The following DGKB variants were observed in gnomAD, a reference collection of about 807,000 sequenced individuals.
The protein encoded by DGKB is diacylglycerol kinase beta, also known as 90 kDa diacylglycerol kinase.
Under a neutral mutation model 114.3 loss-of-function variants are expected in DGKB, and 67 were observed. That is an observed-to-expected ratio of 0.59 (90% CI 0.48 to 0.72). The LOEUF (loss-of-function observed/expected upper bound fraction) is 0.72, where lower values mean the gene tolerates loss of function less well. Ranked by LOEUF, DGKB falls within the 30% of genes least tolerant of loss-of-function variation. The pLI is 0.00. For missense variants in DGKB, 907 were observed against 975.2 expected, an observed-to-expected ratio of 0.93 and a Z score of 0.93; for synonymous variants, 398 against 323.1, an observed-to-expected ratio of 1.23 and a Z score of -2.49.
intron 23 of DGKB, among the ~76,000 whole-genome samples, chr7:14,285,800 A>G (rs1278106637): frequency 6.6e-6 from 1 of 152,194 alleles, no homozygotes; most frequent in African/African-American, 2.4e-5. Context: ...AGACAAATCC[A>G]TATTTAGCAT....
intron 1 of DGKB, among the ~76,000 whole-genome samples, chr7:14,849,452 G>A (rs1849060728): frequency 6.6e-6 from 1 of 151,980 alleles, no homozygotes; most frequent in Non-Finnish European, 1.5e-5. Flanking sequence ...AGCCTCCTTT[G>A]CCCCTTTGCC....
intron 25 of DGKB, among the ~76,000 whole-genome samples, chr7:14,154,704 C>A (rs1584086726): frequency 6.7e-6 from 1 of 150,256 alleles, no homozygotes; most frequent in Non-Finnish European, 1.5e-5. Context: ...AACAAACAAA[C>A]AACAAAGCGT....
At chr7:14,480,507 C>T (rs1374125883) in intron 20 of DGKB, among the ~76,000 whole-genome samples, 1 of 151,982 alleles carries the variant, frequency 6.6e-6, no homozygotes, top group Admixed American at 6.6e-5. Flanking sequence ...AGAGTACTGC[C>T]AAAATCTGCA....
At chr7:14,568,551 CA>C (rs1296792770) in intron 20 of DGKB, among the ~76,000 whole-genome samples, 1 of 152,134 alleles carries the variant, frequency 6.6e-6, no homozygotes, top group Non-Finnish European at 1.5e-5. Context: ...GGTTATCTGT[CA>C]AGATGGAAGG....
At chr7:14,974,209 A>C (rs1787658806) in intron 1 of DGKB, among the ~76,000 whole-genome samples, 1 of 152,060 alleles carries the variant, frequency 6.6e-6, no homozygotes, top group Admixed American at 6.6e-5. Flanking sequence ...GCAGCTGTGC[A>C]TTTGTAAACG....
intron 21 of DGKB, among the ~76,000 whole-genome samples, chr7:14,421,629 A>G (rs1826710878): frequency 6.6e-6 from 1 of 152,092 alleles, no homozygotes; most frequent in African/African-American, 2.4e-5. Flanking sequence ...ATCTTTATCA[A>G]TGGAAAACAT....
At chr7:14,297,271 G>A (rs190394382) in intron 23 of DGKB, among the ~76,000 whole-genome samples, 14 of 152,180 alleles carry the variant, frequency 9.2e-5, no homozygotes, top group African/African-American at 3.4e-4. Flanking sequence ...TTTCAGGCCA[G>A]TATCTCTGAT....
intron 23 of DGKB, among the ~76,000 whole-genome samples, chr7:14,326,025 G>T (rs893743810): frequency 6.0e-5 from 9 of 151,106 alleles, no homozygotes; most frequent in Admixed American, 2.6e-4. Flanking sequence ...ACTTATATAG[G>T]TTATGAGACA....
chr7:14,775,871 A>T (rs1255376227), intron 2 of DGKB, among the ~76,000 whole-genome samples: 1 of 152,126 alleles, frequency 6.6e-6, no homozygotes, highest in Non-Finnish European at 1.5e-5. Context: ...TGCTGTAAAG[A>T]TATCCGAAAA....
intron 23 of DGKB, among the ~76,000 whole-genome samples, chr7:14,338,154 A>G (rs939418546): frequency 3.9e-5 from 6 of 152,154 alleles, no homozygotes; most frequent in Non-Finnish European, 7.3e-5. Context: ...ACAACCTTAG[A>G]AAAGCCTTAA....
intron 21 of DGKB, among the ~76,000 whole-genome samples, chr7:14,448,301 T>A (rs1257455907): frequency 1.3e-5 from 2 of 152,090 alleles, no homozygotes; most frequent in Non-Finnish European, 2.9e-5. Flanking sequence ...TAAAGAAGGA[T>A]GCTGAAAGTT....
chr7:14,564,792 T>C (rs1481193346), intron 20 of DGKB, among the ~76,000 whole-genome samples: 1 of 152,086 alleles, frequency 6.6e-6, no homozygotes, highest in Non-Finnish European at 1.5e-5. Context: ...CATTATATAC[T>C]TTTTGTTTTC....
At chr7:14,886,656 A>G (rs1252928563) in intron 1 of DGKB, among the ~76,000 whole-genome samples, 1 of 151,924 alleles carries the variant, frequency 6.6e-6, no homozygotes, top group African/African-American at 2.4e-5. Context: ...CCATTACTGC[A>G]GTAATCTGGG....
chr7:14,603,377 T>G (rs1475488768), intron 17 of DGKB, among the ~76,000 whole-genome samples: 1 of 152,146 alleles, frequency 6.6e-6, no homozygotes, highest in African/African-American at 2.4e-5. Flanking sequence ...GAACATTTCC[T>G]TAGCCTTTTG....
intron 2 of DGKB, among the ~76,000 whole-genome samples, chr7:14,758,243 G>T (rs896116766): frequency 1.3e-5 from 2 of 151,834 alleles, no homozygotes; most frequent in African/African-American, 2.4e-5. Flanking sequence ...ATTACCAAAA[G>T]AATTATAAAT....
At chr7:14,242,715 C>T (rs1189030729) in intron 23 of DGKB, among the ~76,000 whole-genome samples, 6 of 152,090 alleles carry the variant, frequency 3.9e-5, no homozygotes, top group Non-Finnish European at 7.4e-5. Context: ...TTGGTGTCCT[C>T]AGAGCAAGGT....
chr7:14,818,195 T>C (rs1038615497), intron 2 of DGKB, among the ~76,000 whole-genome samples: 5 of 152,206 alleles, frequency 3.3e-5, no homozygotes, highest in East Asian at 3.8e-4. Flanking sequence ...GATACATTTA[T>C]TTCAAAAACA....
intron 23 of DGKB, among the ~76,000 whole-genome samples, chr7:14,270,830 G>A (rs1164508381): frequency 6.6e-6 from 1 of 152,180 alleles, no homozygotes; most frequent in Non-Finnish European, 1.5e-5. Flanking sequence ...AAAGCTTTCT[G>A]TAGGGGGGTG....
intron 23 of DGKB, among the ~76,000 whole-genome samples, chr7:14,330,655 T>C (rs1203066449): frequency 6.6e-6 from 1 of 152,020 alleles, no homozygotes; most frequent in African/African-American, 2.4e-5. Context: ...GCAATAATGA[T>C]GGTCATGAAA....
Sources: gnomAD v4.1 joint callset for allele counts (sites outside exome capture counted in the v4.1 genomes callset) on GRCh38, gnomAD v4.1.1 for gene constraint, MANE v1.5 for transcripts, NCBI Gene and HGNC (gene_info 2026-07-23, HGNC 2026-07-21) for gene names.